Variants in PKD1L1 observed in about 807,000 individuals in gnomAD.
PKD1L1 encodes the protein polycystin 1 like 1, transient receptor potential channel interacting, also known as polycystin-1-like protein 1.
In PKD1L1, 236 loss-of-function variants were observed where a neutral mutation model predicts 323.4. That is an observed-to-expected ratio of 0.73 (90% CI 0.66 to 0.81). PKD1L1 has a LOEUF of 0.81. Among genes scored for constraint, PKD1L1 ranks in the 40% least tolerant of loss-of-function variants. The probability of loss-of-function intolerance (pLI) is 0.00; values close to 1 mark genes in which losing one functional copy is unlikely to be tolerated. For missense variants in PKD1L1, 3,320 were observed against 3,508.0 expected (o/e 0.95, Z 1.35); for synonymous variants, 1,344 against 1,335.0 (o/e 1.01, Z -0.15).
chr7:47,804,329 T>A (rs868441961), intron 52 of PKD1L1, among the ~76,000 whole-genome samples: 4 of 152,236 alleles, frequency 2.6e-5, no homozygotes, highest in African/African-American at 9.6e-5. Context: ...CTAGTAGCCA[T>A]GTTTTAAAAA....
chr7:47,910,326 T>C (rs961889774), intron 8 of PKD1L1, among the ~76,000 whole-genome samples: 6 of 150,850 alleles, frequency 4.0e-5, no homozygotes, highest in Admixed American at 2.0e-4. Context: ...CTTAGGCATA[T>C]CTTACTTTCT....
intron 53 of PKD1L1, 109 bp from the exon 54 acceptor site, chr7:47,800,988 G>A (rs1784649832): frequency 1.0e-6 from 1 of 968,826 alleles, no homozygotes; most frequent in Non-Finnish European, 1.6e-6. Context: ...GGCAGTTTTG[G>A]GAGTGTGGAT....
chr7:47,891,985 T>A (rs909063), intron 15 of PKD1L1, among the ~76,000 whole-genome samples: 3,081 of 152,296 alleles, frequency 0.02, 47 homozygotes, highest in Middle Eastern at 0.048. Context: ...CAAATATGTG[T>A]GATCACAGGG....
At chr7:47,855,509 ATT>A (rs896779658) in intron 28 of PKD1L1, among the ~76,000 whole-genome samples, 5 of 152,204 alleles carry the variant, frequency 3.3e-5, no homozygotes, top group African/African-American at 9.7e-5. Context: ...ATTTTGAAGT[ATT>A]TTTTATTTTA....
In PKD1L1 at chr7:47,811,858, G is replaced by A. The variant is rs745525376; in HGVS notation, c.7540C>T (p.Arg2514Cys). 1.9e-5 allele frequency: 31 copies of A among 1,610,172 alleles called. No individual in the cohort carries two copies. Among genetic ancestry groups the A allele is most frequent in the South Asian group, 1.6e-4 (14 of 89,920 alleles). The change falls in exon 50 of 57, where the codon CGC becomes TGC. Residue 2514 changes from arginine to cysteine, a missense_variant. Transcript: ENST00000289672. ...SSLVESFSIF[R>C]SDSALQYHLM... ...TGGTACTGCAGGGCTGAGTCGCTGC[G>A]GAAGATGCTGAATGACTCCACCAGG...
rs757578145 is a variant in PKD1L1 at position 47,882,014 on chromosome 7, G to A, written c.3337C>T (p.Leu1113=). The A allele has an allele frequency of 6.2e-7, 1 of 1,614,090 alleles. No homozygotes were observed. The highest frequency in any genetic ancestry group is 1.7e-5 in the Admixed American group (1 of 60,014). The change falls in exon 20 of 57, where the codon CTG becomes TTG. Residue 1113 remains leucine, a synonymous_variant. Coordinates refer to ENST00000289672, the MANE Select transcript of PKD1L1 (RefSeq NM_138295.5). Reference sequence around the variant, plus strand: ...CCTGCAGACAGGGAGGGGTCCACCAGGTTATCCCCATCTCCAGGGCTCTCC... The same window carrying A: ...CCTGCAGACAGGGAGGGGTCCACCAAGTTATCCCCATCTCCAGGGCTCTCC... ...AEESPGDGDN[L]VDPSLSAGRA...
Position 47,873,313 on chromosome 7 carries a change from A to C in PKD1L1, c.3896+586T>G, listed in dbSNP as rs72601623. On this transcript the variant is annotated intron_variant, in intron 24 of 56. Transcript: ENST00000289672. ...AGTTGCATACTTTAAATGGATGAAC[A>C]TGTGGAATGTAAATGATATCTTTAA... Among the ~76,000 whole-genome samples, 748 of 152,334 alleles carry C rather than the reference A, an allele frequency of 4.9e-3. 14 individuals are homozygous for C. The East Asian group carries it at 0.056, about 11-fold the overall frequency.
intron 26 of PKD1L1, among the ~76,000 whole-genome samples, chr7:47,861,896 A>AC (rs1562962879): frequency 7.1e-6 from 1 of 141,126 alleles, no homozygotes; most frequent in East Asian, 2.0e-4. Flanking sequence ...AAAAAAAAAA[A>AC]AAAAAAAAAA....
rs1482413278 is a variant in PKD1L1 at position 47,937,056 on chromosome 7, A to G, written c.286-98T>C. ...TACTTCATTAACAAAATAGCAGTGG[A>G]CCCCTGCTGTGCGCCCAGCACTGTG... On this transcript the variant is annotated intron_variant, in intron 3 of 56. Coordinates refer to ENST00000289672, the MANE Select transcript of PKD1L1 (RefSeq NM_138295.5). 13 of 914,478 alleles carry G rather than the reference A, an allele frequency of 1.4e-5. No homozygotes were observed. In the East Asian group the frequency reaches 3.2e-4, roughly 23 times the overall value. 56.6% of individuals were successfully genotyped at this position (914,478 alleles called of 1,614,324 possible).
chr7:47,924,665 T>A (rs1229557304), intron 7 of PKD1L1, among the ~76,000 whole-genome samples: 1 of 152,212 alleles, frequency 6.6e-6, no homozygotes, highest in Non-Finnish European at 1.5e-5. Context: ...CAGTTTCCTT[T>A]GCCTCCAAGT....
intron 56 of PKD1L1, among the ~76,000 whole-genome samples, chr7:47,790,629 C>A (rs567268811): frequency 6.6e-6 from 1 of 152,234 alleles, no homozygotes; most frequent in Admixed American, 6.5e-5. Context: ...CCGCACCGGG[C>A]CATAACTTAA....
At chr7:47,875,959 TA>T in intron 23 of PKD1L1, 137 bp downstream of exon 23, 1 of 843,144 alleles carries the variant, frequency 1.2e-6, no homozygotes, top group Non-Finnish European at 1.7e-6. Flanking sequence ...AGGTAGATAA[TA>T]AACCTAAACT....
intron 26 of PKD1L1, among the ~76,000 whole-genome samples, chr7:47,860,505 C>T (rs1254361817): frequency 6.6e-6 from 1 of 152,138 alleles, no homozygotes; most frequent in African/African-American, 2.4e-5. Flanking sequence ...TATCTAATGG[C>T]TTAGATATAC....
chr7:47,947,708 C>T (rs1480524286), intron 1 of PKD1L1, among the ~76,000 whole-genome samples: 1 of 152,208 alleles, frequency 6.6e-6, no homozygotes, highest in Non-Finnish European at 1.5e-5. Context: ...TGGCTTATGC[C>T]TGTAATCCCA....
At position 47,868,951 on chromosome 7, in the gene PKD1L1, G is replaced by T. The variant is rs548501556; in HGVS notation, c.3897-2337C>A. Among the ~76,000 whole-genome samples the T allele has an allele frequency of 2.6e-5, 4 of 152,256 alleles. No individual in the cohort carries two copies. In the East Asian group the frequency reaches 5.8e-4, roughly 22 times the overall value. ...GACTGTTGGGTTTGTAACACTGATA[G>T]ATGTAACATACATAACAATCATAAC... On this transcript the variant is annotated intron_variant, in intron 24 of 56. Coordinates refer to ENST00000289672, the MANE Select transcript of PKD1L1 (RefSeq NM_138295.5).
chr7:47,811,315 C>T (rs896967136), intron 50 of PKD1L1, among the ~76,000 whole-genome samples: 15 of 152,036 alleles, frequency 9.9e-5, no homozygotes, highest in Non-Finnish European at 2.2e-4. Context: ...CCACCATGCC[C>T]GGCTAATTTT....
the PKD1L1 span, among the ~76,000 whole-genome samples, chr7:47,959,691 G>T: frequency 7.2e-6 from 1 of 139,406 alleles, no homozygotes; most frequent in Non-Finnish European, 1.6e-5. Flanking sequence ...CGTCCGGGAG[G>T]GAGGTGGGGG....
At chr7:47,779,784 T>G (rs62448545) in intron 56 of PKD1L1, among the ~76,000 whole-genome samples, 13,968 of 152,232 alleles carry the variant, frequency 0.092, 837 homozygotes, top group East Asian at 0.2. Context: ...GTCCAAATAC[T>G]GCAGAAGCTC....
chr7:47,776,672 C>T (rs1434263566), intron 56 of PKD1L1, among the ~76,000 whole-genome samples: 1 of 152,128 alleles, frequency 6.6e-6, no homozygotes, highest in African/African-American at 2.4e-5. Context: ...TAAGTGTTAC[C>T]AGAATCCAAT....
Sources: allele counts gnomAD v4.1 joint callset (sites outside exome capture counted in the v4.1 genomes callset), GRCh38; gene constraint gnomAD v4.1.1; transcripts MANE v1.5; gene names NCBI Gene and HGNC (gene_info 2026-07-23, HGNC 2026-07-21).